Variants in PIK3CB observed in about 807,000 individuals in gnomAD.
The protein encoded by PIK3CB is phosphatidylinositol 4,5-bisphosphate 3-kinase catalytic subunit beta isoform.
In PIK3CB, 39 loss-of-function variants were observed where a neutral mutation model predicts 136.8. That is an observed-to-expected ratio of 0.29 (90% confidence interval 0.22 to 0.37). The LOEUF (loss-of-function observed/expected upper bound fraction) is 0.37, where lower values mean the gene tolerates loss of function less well. PIK3CB is among the 10% of genes least tolerant of loss of function. PIK3CB has a pLI of 1.00. For missense variants in PIK3CB, 868 were observed against 1,275.4 expected (o/e 0.68, Z 4.87); for synonymous variants, 428 against 436.6 (o/e 0.98, Z 0.25).
At position 138,707,163 on chromosome 3, in the gene PIK3CB, T is replaced by G. The variant is rs752304116; in HGVS notation, c.1526A>C (p.Asp509Ala). Residue 509 changes from aspartate (D) to alanine (A), a missense_variant, in exon 11 of 24, where the codon GAT (aspartate) becomes GCT (alanine). Asp to Ala is a moderately radical substitution (Grantham distance 126). Transcript: ENST00000674063. ...TCCTTTAAATAATTAGCTTACCTTA[T>G]CGAAGGGAGGGTAATAATAAGGTTG... ...KKQPYYYPPF[D>A]KIIEKAAEIA... 3.8e-6 allele frequency: 6 copies of G among 1,565,980 alleles called. No individual in the cohort carries two copies. The Admixed American group carries it at 5.0e-5, about 13-fold the overall frequency.
At chr3:138,692,101 ATT>A (rs2044022548) in intron 14 of PIK3CB, among the ~76,000 whole-genome samples, 1 of 152,196 alleles carries the variant, frequency 6.6e-6, no homozygotes, top group Non-Finnish European at 1.5e-5. Context: ...GTGGTTCTCT[ATT>A]TTGTGTCAAT....
chr3:138,790,769 G>A (rs1202624968), intron 2 of PIK3CB, among the ~76,000 whole-genome samples: 2 of 149,914 alleles, frequency 1.3e-5, no homozygotes, highest in Non-Finnish European at 3.0e-5. Context: ...AGCCAAGATC[G>A]TGCCACTGTA....
intron 2 of PIK3CB, among the ~76,000 whole-genome samples, chr3:138,781,670 C>G (rs540198): frequency 0.6 from 90,266 of 151,650 alleles, 27,665 homozygotes; most frequent in East Asian, 0.99. Flanking sequence ...GGCCAGGCTG[C>G]TCTCGAACTC....
chr3:138,659,345 C>G (rs2043246208), intron 21 of PIK3CB, among the ~76,000 whole-genome samples: 1 of 152,130 alleles, frequency 6.6e-6, no homozygotes, highest in Admixed American at 6.5e-5. Flanking sequence ...GGAAAAATGT[C>G]TTCATTCTAC....
chr3:138,705,174 CAAAAAACAAAACAAACAAAA>C lies in PIK3CB; in HGVS notation c.1531-701_1531-682del, dbSNP rs2044344637. On this transcript the variant is annotated intron_variant, in intron 11 of 23. Transcript: ENST00000674063. The stretch of plus-strand genomic sequence containing the variant: ...GAAAGGCAAAAAAAAAAAAAAAAAA[CAAAAAACAAAACAAACAAAA>C]AAAAAAACTTATATTTGCAAATATA... Among the ~76,000 whole-genome samples, 8 of 57,062 alleles carry C rather than the reference CAAAAAACAAAACAAACAAAA, an allele frequency of 1.4e-4. 1 individual carries two copies. Among genetic ancestry groups the C allele is most frequent in the African/African-American group, 6.8e-4 (8 of 11,748 alleles). 37.4% of individuals were successfully genotyped at this position (57,062 alleles called of 152,430 possible). A position where few individuals can be genotyped will look rare whatever the true frequency, so the allele number is the denominator to read the frequency against.
chr3:138,704,757 T>C (rs564984613), intron 11 of PIK3CB, among the ~76,000 whole-genome samples: 3 of 152,122 alleles, frequency 2.0e-5, no homozygotes, highest in Admixed American at 2.0e-4. Context: ...AGCTAGCATA[T>C]ATATGTCAAA....
intron 19 of PIK3CB, among the ~76,000 whole-genome samples, chr3:138,667,555 T>A (rs914079603): frequency 6.6e-6 from 1 of 151,678 alleles, no homozygotes; most frequent in Non-Finnish European, 1.5e-5. Flanking sequence ...TATTTATTTT[T>A]ATTTTATTTA....
At chr3:138,809,774 T>C (rs2046273686) in intron 1 of PIK3CB, among the ~76,000 whole-genome samples, 1 of 152,136 alleles carries the variant, frequency 6.6e-6, no homozygotes, top group South Asian at 2.1e-4. Flanking sequence ...GATAAATTTA[T>C]AGACATACGT....
In PIK3CB at chr3:138,743,998, A is replaced by C. The variant is rs1301741653; in HGVS notation, c.398-1217T>G. On this transcript the variant is annotated intron_variant, in intron 4 of 23. Coordinates refer to ENST00000674063, the MANE Select transcript of PIK3CB (RefSeq NM_006219.3). Reference sequence around the variant, plus strand: ...TATACTGTATTCCTAAAGTAAGCTAAAGAAAATGTTAATTATTCCAGCACT... The same window carrying C: ...TATACTGTATTCCTAAAGTAAGCTACAGAAAATGTTAATTATTCCAGCACT... Among the ~76,000 whole-genome samples the C allele has an allele frequency of 2.6e-5, 4 of 152,326 alleles. No homozygotes were observed. The East Asian group carries it at 5.8e-4, about 22-fold the overall frequency.
intron 21 of PIK3CB, among the ~76,000 whole-genome samples, chr3:138,662,417 C>T (rs2043315776): frequency 6.6e-6 from 1 of 150,774 alleles, no homozygotes; most frequent in African/African-American, 2.5e-5. Flanking sequence ...CAATTTCATC[C>T]ATGTCCCTAC....
At chr3:138,787,793 T>A (rs932297702) in intron 2 of PIK3CB, among the ~76,000 whole-genome samples, 1 of 151,906 alleles carries the variant, frequency 6.6e-6, no homozygotes, top group Non-Finnish European at 1.5e-5. Flanking sequence ...AAGATCATAT[T>A]CATGACTACA....
intron 2 of PIK3CB, among the ~76,000 whole-genome samples, chr3:138,782,218 A>G (rs1185219786): frequency 1.3e-5 from 2 of 152,240 alleles, no homozygotes; most frequent in South Asian, 2.1e-4. Context: ...TCCATTTGCT[A>G]TAAGGCCATG....
chr3:138,763,312 T>A (rs888605012), intron 2 of PIK3CB, among the ~76,000 whole-genome samples: 6 of 152,124 alleles, frequency 3.9e-5, no homozygotes, highest in African/African-American at 1.4e-4. Flanking sequence ...CTAATTTTTG[T>A]ATTTTTAGTA....
chr3:138,720,275 T>C (rs1213645289), intron 8 of PIK3CB, among the ~76,000 whole-genome samples: 3 of 152,208 alleles, frequency 2.0e-5, no homozygotes, highest in African/African-American at 7.2e-5. Context: ...TCACTAATTA[T>C]TACATCTCAG....
Position 138,655,387 on chromosome 3 carries a change from C to A in PIK3CB, c.*2G>T, listed in dbSNP as rs767613338. The A allele has an allele frequency of 1.2e-6, 2 of 1,613,628 alleles. No homozygotes were observed. The highest frequency in any genetic ancestry group is 2.7e-5 in the African/African-American group (2 of 74,894). On this transcript the variant is annotated 3_prime_UTR_variant, in exon 24 of 24. Transcript: ENST00000674063. Reference sequence around the variant, plus strand: ...AAATACATTAGGAGCGAAGGCTGATCGTTAAGATCTGTAGTCTTTCCGAAC... The same window carrying A: ...AAATACATTAGGAGCGAAGGCTGATAGTTAAGATCTGTAGTCTTTCCGAAC...
chr3:138,722,372 A>G (rs2044747240), intron 8 of PIK3CB, among the ~76,000 whole-genome samples: 1 of 152,190 alleles, frequency 6.6e-6, no homozygotes, highest in South Asian at 2.1e-4. Flanking sequence ...TAAGATAGGA[A>G]TATCAGGATA....
chr3:138,741,039 C>T (rs2045233008), intron 5 of PIK3CB, among the ~76,000 whole-genome samples: 1 of 152,162 alleles, frequency 6.6e-6, no homozygotes, highest in South Asian at 2.1e-4. Context: ...TAAATTTGAC[C>T]TTGACATTTT....
intron 12 of PIK3CB, among the ~76,000 whole-genome samples, chr3:138,702,345 G>A (rs2044273159): frequency 6.6e-6 from 1 of 151,552 alleles, no homozygotes. Context: ...AAAGTGCTGC[G>A]ATTATAGGGG....
chr3:138,766,079 T>C (rs992359658), intron 2 of PIK3CB, among the ~76,000 whole-genome samples: 7 of 152,214 alleles, frequency 4.6e-5, no homozygotes, highest in African/African-American at 7.2e-5. Context: ...ACTCCTGTCA[T>C]GTGAAGAAGA....
Sources: allele counts gnomAD v4.1 joint callset (sites outside exome capture counted in the v4.1 genomes callset), GRCh38; gene constraint gnomAD v4.1.1; transcripts MANE v1.5; gene names NCBI Gene and HGNC (gene_info 2026-07-23, HGNC 2026-07-21).